The following MBD5 variants were observed in gnomAD, a reference collection of about 807,000 sequenced individuals.
MBD5 encodes methyl-CpG-binding domain protein 5.
A neutral mutation model predicts 117.3 loss-of-function variants in MBD5; 13 were observed. That is an observed-to-expected ratio of 0.11 (90% confidence interval 0.07 to 0.18). The LOEUF (loss-of-function observed/expected upper bound fraction) is 0.18, where lower values mean the gene tolerates loss of function less well. MBD5 is among the 10% of genes least tolerant of loss of function. The pLI is 1.00. For synonymous variants in MBD5, 727 were observed against 766.4 expected (o/e 0.95, Z 0.85); for missense variants, 1,879 against 2,093.8 (o/e 0.90, Z 2.00).
intron 4 of MBD5, among the ~76,000 whole-genome samples, chr2:148,453,539 G>C (rs1326957052): frequency 1.3e-5 from 2 of 151,844 alleles, no homozygotes; most frequent in African/African-American, 4.8e-5. Flanking sequence ...GTAAGATGGA[G>C]GTACCTTCAT....
At chr2:148,281,215 A>G (rs961451259) in intron 3 of MBD5, among the ~76,000 whole-genome samples, 6 of 152,134 alleles carry the variant, frequency 3.9e-5, no homozygotes, top group African/African-American at 9.7e-5. Context: ...AATTTGTTCT[A>G]TGTTAAGGCC....
At chr2:148,102,027 G>T (rs965172229) in intron 1 of MBD5, among the ~76,000 whole-genome samples, 4 of 152,026 alleles carry the variant, frequency 2.6e-5, no homozygotes, top group Non-Finnish European at 4.4e-5. Context: ...TGACTCTTTC[G>T]ATTTAAAATG....
At chr2:148,512,510 A>T (rs1574509243) in intron 13 of MBD5, among the ~76,000 whole-genome samples, 1 of 152,188 alleles carries the variant, frequency 6.6e-6, no homozygotes, top group South Asian at 2.1e-4. Context: ...GAAATTGGTG[A>T]TCTAGGGTCT....
chr2:148,424,981 G>C (rs1358558100), intron 4 of MBD5, among the ~76,000 whole-genome samples: 2 of 152,044 alleles, frequency 1.3e-5, no homozygotes, highest in African/African-American at 4.8e-5. Context: ...AAAAACTAGA[G>C]AAGCAAGAGC....
chr2:148,477,638 A>G (rs1406163218), intron 8 of MBD5, among the ~76,000 whole-genome samples: 1 of 152,106 alleles, frequency 6.6e-6, no homozygotes, highest in African/African-American at 2.4e-5. Context: ...AGAGGAGAAA[A>G]TTTACTATTT....
intron 4 of MBD5, among the ~76,000 whole-genome samples, chr2:148,367,312 A>G (rs2105342734): frequency 6.6e-6 from 1 of 152,334 alleles, no homozygotes; most frequent in Middle Eastern, 3.4e-3. Flanking sequence ...CTTACACCTT[A>G]TACAAAAATG....
intron 3 of MBD5, among the ~76,000 whole-genome samples, chr2:148,324,601 G>C (rs1288572873): frequency 6.6e-6 from 1 of 151,954 alleles, no homozygotes; most frequent in Non-Finnish European, 1.5e-5. Flanking sequence ...AAGCAATTGT[G>C]AATGGGAGTT....
intron 4 of MBD5, among the ~76,000 whole-genome samples, chr2:148,385,542 G>T (rs1456888988): frequency 4.6e-5 from 7 of 152,148 alleles, no homozygotes; most frequent in Non-Finnish European, 7.3e-5. Flanking sequence ...CATTGTGGAA[G>T]TTGGTGTGGC....
chr2:148,151,382 A>G (rs1393245559), intron 1 of MBD5, among the ~76,000 whole-genome samples: 1 of 152,016 alleles, frequency 6.6e-6, no homozygotes, highest in African/African-American at 2.4e-5. Context: ...ATGTTCATCA[A>G]GGATATTGGT....
rs1680724132 is a variant in MBD5, at chr2:148,469,637, T to A, written c.1694T>A (p.Ile565Asn). 6.2e-7 allele frequency: 1 copy of A among 1,613,840 alleles called. No homozygotes were observed. Among genetic ancestry groups the A allele is most frequent in the African/African-American group, 1.3e-5 (1 of 74,912 alleles). Residue 565 changes from isoleucine to asparagine, a missense_variant, in exon 8 of 14, where the codon ATC becomes AAC. Ile to Asn is a moderately radical substitution (Grantham distance 149). Coordinates refer to ENST00000642680, the MANE Select transcript of MBD5 (RefSeq NM_001378120.1). ...PGLLGMPLNQ[I>N]LNQHNAASFP... is the part of the protein sequence containing the mutation. ...TTGCTGGGAATGCCTTTAAATCAGA[T>A]CTTGAACCAGCACAATGCTGCCTCC...
intron 4 of MBD5, among the ~76,000 whole-genome samples, chr2:148,384,735 A>T (rs1281666278): frequency 1.3e-5 from 2 of 152,090 alleles, no homozygotes; most frequent in Admixed American, 6.5e-5. Context: ...CAGTAACCAA[A>T]ACAGCATGGT....
At chr2:148,409,259 G>A (rs11896784) in intron 4 of MBD5, among the ~76,000 whole-genome samples, 7,302 of 151,818 alleles carry the variant, frequency 0.048, 540 homozygotes, top group African/African-American at 0.17. Context: ...GTTATGGCAC[G>A]TGCCTGTAGC....
At chr2:148,269,508 A>G (rs186477819) in intron 3 of MBD5, among the ~76,000 whole-genome samples, 1 of 151,808 alleles carries the variant, frequency 6.6e-6, no homozygotes, top group Non-Finnish European at 1.5e-5. Flanking sequence ...ATGAGTACAA[A>G]ATCATTTTTC....
At chr2:148,202,801 G>T (rs1277071090) in intron 2 of MBD5, among the ~76,000 whole-genome samples, 4 of 152,128 alleles carry the variant, frequency 2.6e-5, no homozygotes, top group Admixed American at 6.5e-5. Context: ...GCTGAGGTGG[G>T]AGGATCACTT....
chr2:148,052,206 G>GGTTTT (rs1694725982), intron 1 of MBD5, among the ~76,000 whole-genome samples: 1 of 83,742 alleles, frequency 1.2e-5, no homozygotes, highest in African/African-American at 4.8e-5. Context: ...CTGTTATTGA[G>GGTTTT]TTTTTTTTTT....
intron 4 of MBD5, among the ~76,000 whole-genome samples, chr2:148,363,358 G>A (rs1057473976): frequency 3.9e-5 from 6 of 152,068 alleles, no homozygotes; most frequent in East Asian, 3.9e-4. Context: ...TCAGCCTCCC[G>A]AGTAGCTGTG....
chr2:148,363,225 GA>G (rs1703591614), intron 4 of MBD5, among the ~76,000 whole-genome samples: 1 of 151,910 alleles, frequency 6.6e-6, no homozygotes, highest in African/African-American at 2.4e-5. Context: ...CCAATGAAAG[GA>G]AGCTAAGAAC....
At chr2:148,039,209 C>T (rs1011401687) in intron 1 of MBD5, among the ~76,000 whole-genome samples, 23 of 151,846 alleles carry the variant, frequency 1.5e-4, no homozygotes, top group Admixed American at 5.9e-4. Flanking sequence ...TTTAGGTATC[C>T]CATATCATAT....
intron 4 of MBD5, among the ~76,000 whole-genome samples, chr2:148,446,806 C>A (rs1351589249): frequency 6.6e-6 from 1 of 151,960 alleles, no homozygotes; most frequent in East Asian, 1.9e-4. Flanking sequence ...CCTTGTCACA[C>A]AGAATATGGT....
Sources: allele counts gnomAD v4.1 joint callset (sites outside exome capture counted in the v4.1 genomes callset), GRCh38; gene constraint gnomAD v4.1.1; transcripts MANE v1.5; gene names NCBI Gene and HGNC (gene_info 2026-07-23, HGNC 2026-07-21).